EML1: variants seen among roughly 807,000 people sequenced by gnomAD.
The protein encoded by EML1 is EMAP like 1, also known as echinoderm microtubule-associated protein-like 1.
In EML1, 27 loss-of-function variants were observed where a neutral mutation model predicts 110.4. That is an observed-to-expected ratio of 0.24 (90% CI 0.18 to 0.34). The LOEUF is 0.34. Among genes scored for constraint, EML1 ranks in the 10% least tolerant of loss-of-function variants. The pLI, the probability that EML1 is intolerant of heterozygous loss-of-function variation, is 1.00. For missense variants in EML1, 741 were observed against 1,030.9 expected (o/e 0.72, Z 3.85); for synonymous variants, 344 against 385.8 (o/e 0.89, Z 1.27).
chr14:99,873,087 G>A (rs1456792021), intron 3 of EML1, among the ~76,000 whole-genome samples: 1 of 152,180 alleles, frequency 6.6e-6, no homozygotes, highest in Non-Finnish European at 1.5e-5. Context: ...AGACATTGTA[G>A]GTCATACCTT....
intron 1 of EML1, among the ~76,000 whole-genome samples, chr14:99,806,855 A>C (rs1436453808): frequency 6.6e-6 from 1 of 152,116 alleles, no homozygotes; most frequent in Non-Finnish European, 1.5e-5. Context: ...AAAAATGATG[A>C]GGGGCATATG....
rs534023906 is a variant in EML1 at position 99,867,050 on chromosome 14, A to C, written c.383+1404A>C. On this transcript the variant is annotated intron_variant, in intron 3 of 21. Coordinates refer to ENST00000262233, the MANE Select transcript of EML1 (RefSeq NM_004434.3). ...TACCCAGATAGTGAAGATAGTACCA[A>C]ATAGGAAGTTTTTCAACCCTTACCC... Among the ~76,000 whole-genome samples, 5 of 152,066 alleles carry C rather than the reference A, an allele frequency of 3.3e-5. 1 individual carries two copies. The highest frequency in any genetic ancestry group is 7.4e-5 in the Non-Finnish European group (5 of 68,008).
At chr14:99,812,256 T>A (rs2058092287) in intron 1 of EML1, among the ~76,000 whole-genome samples, 2 of 151,810 alleles carry the variant, frequency 1.3e-5, no homozygotes, top group South Asian at 4.2e-4. Context: ...GAGGCCTGAC[T>A]GTGCATGCCC....
At chr14:99,911,375 G>A (rs762339397) in intron 12 of EML1, 47 bp from the exon 13 acceptor site, 1 of 1,538,624 alleles carries the variant, frequency 6.5e-7, no homozygotes, top group Non-Finnish European at 8.7e-7. Context: ...ATGGGCAGAG[G>A]CAACCTTTTG....
chr14:99,782,458 G>A (rs1214749934), intron 1 of EML1, among the ~76,000 whole-genome samples: 57 of 152,132 alleles, frequency 3.7e-4, no homozygotes, highest in East Asian at 3.9e-4. Context: ...TGAGACCCTC[G>A]GGTGTGGGAT....
chr14:99,738,017 G>T (rs535063313), intron 1 of EML1, among the ~76,000 whole-genome samples: 3 of 152,224 alleles, frequency 2.0e-5, no homozygotes, highest in African/African-American at 4.8e-5. Flanking sequence ...CCGCTGGAAG[G>T]GGGGAGCTTG....
At position 99,914,214 on chromosome 14, in the gene EML1, C is replaced by T. The variant is rs370428992; in HGVS notation, c.1530C>T (p.Ala510=). The T allele has an allele frequency of 1.4e-5, 23 of 1,613,708 alleles. 1 individual carries two copies. In the Middle Eastern group the frequency reaches 6.6e-4, roughly 46 times the overall value. The part of the protein sequence containing the change: ...PEQFGPIRTV[A]EGKGDVILIG... The stretch of plus-strand genomic sequence containing the variant: ...AGTTTGGTCCAATACGGACAGTGGC[C>T]GAGGGGAAAGGCGATGTGATCTTGA... Residue 510 remains alanine (A), a synonymous_variant, in exon 14 of 22, where the codon GCC becomes GCT. Transcript: ENST00000262233.
chr14:99,847,250 T>C (rs1345250781), intron 1 of EML1, among the ~76,000 whole-genome samples: 10 of 152,228 alleles, frequency 6.6e-5, no homozygotes, highest in Admixed American at 1.3e-4. Flanking sequence ...GTCCTGAAAA[T>C]GTACCGTATG....
intron 4 of EML1, among the ~76,000 whole-genome samples, chr14:99,881,648 T>C (rs901784131): frequency 2.0e-5 from 3 of 151,056 alleles, no homozygotes; most frequent in African/African-American, 7.3e-5. Context: ...GTCACCAGGC[T>C]GGAGTGCAGT....
chr14:99,752,146 G>T (rs2057184078), intron 1 of EML1, among the ~76,000 whole-genome samples: 1 of 152,118 alleles, frequency 6.6e-6, no homozygotes, highest in Non-Finnish European at 1.5e-5. Flanking sequence ...GGCTTTCTTG[G>T]TTCAAACACA....
intron 4 of EML1, among the ~76,000 whole-genome samples, chr14:99,887,390 C>G (rs2059498619): frequency 6.6e-6 from 1 of 152,192 alleles, no homozygotes; most frequent in African/African-American, 2.4e-5. Context: ...CAAATCCTTT[C>G]TCTCCTCCAG....
In EML1 at chr14:99,886,515, A is replaced by C. The variant is rs77556256; in HGVS notation, c.519-4684A>C. ...GAAGTCATGTTATTCCAAGAGCCAA[A>C]GTTGTTCTGGATTAATAAATTGTAG... On this transcript the variant is annotated intron_variant, in intron 4 of 21. Coordinates refer to ENST00000262233, the MANE Select transcript of EML1 (RefSeq NM_004434.3). 1.6e-3 allele frequency among the ~76,000 whole-genome samples: 238 copies of C among 152,320 alleles called. 4 individuals carry two copies. The East Asian group carries it at 0.041, about 26-fold the overall frequency.
At chr14:99,813,066 G>T (rs1301584225) in intron 1 of EML1, among the ~76,000 whole-genome samples, 1 of 152,052 alleles carries the variant, frequency 6.6e-6, no homozygotes, top group Admixed American at 6.5e-5. Context: ...ACTCTGTTTG[G>T]CCCAGGAACC....
chr14:99,897,202 G>A lies in EML1; in HGVS notation c.735G>A (p.Glu245=), dbSNP rs1321295823. The A allele has an allele frequency of 6.2e-7, 1 of 1,613,120 alleles. No homozygotes were observed. The highest frequency in any genetic ancestry group is 1.1e-5 in the South Asian group (1 of 90,864). Residue 245 remains glutamate (E), a synonymous_variant, in exon 7 of 22, where the codon GAG becomes GAA. Coordinates refer to ENST00000262233, the MANE Select transcript of EML1 (RefSeq NM_004434.3). ...RNNLYLLPTG[E]TVYFIASVVV... ...ACCTGTACTTGCTTCCGACGGGAGA[G>A]ACCGTCTACTTCATCGCATCCGTGG...
chr14:99,939,931 TC>T lies in EML1; in HGVS notation c.2323-53del. On this transcript the variant is annotated intron_variant, in intron 21 of 21. Coordinates refer to ENST00000262233, the MANE Select transcript of EML1 (RefSeq NM_004434.3). The surrounding 1 kb of genome is among the most constrained non-coding windows in gnomAD (Gnocchi z 4.2). ...CAGTGAGAATTCAAGCACTTTCCCA[TC>T]CCAGATGGTTCGCCTTGTAGTAAAG... 1.4e-6 allele frequency: 2 copies of T among 1,473,914 alleles called. No individual in the cohort carries two copies. The highest frequency in any genetic ancestry group is 3.0e-5 in the South Asian group (2 of 67,588). 91.3% of individuals were successfully genotyped at this position (1,473,914 alleles called of 1,614,324 possible). A position where few individuals can be genotyped will look rare whatever the true frequency, so the allele number is the denominator to read the frequency against.
chr14:99,901,348 C>A (rs952211286), intron 9 of EML1, among the ~76,000 whole-genome samples: 2 of 152,160 alleles, frequency 1.3e-5, no homozygotes, highest in African/African-American at 4.8e-5. Context: ...ATTTCACCTG[C>A]TTCTTTCAAG....
intron 1 of EML1, among the ~76,000 whole-genome samples, chr14:99,833,209 T>C (rs377696446): frequency 8.4e-4 from 128 of 152,372 alleles, no homozygotes; most frequent in African/African-American, 3.0e-3. Flanking sequence ...ATTGAGGTTC[T>C]TTTGTGTGTG....
intron 1 of EML1, among the ~76,000 whole-genome samples, chr14:99,850,539 C>T (rs779745991): frequency 1.3e-5 from 2 of 152,120 alleles, no homozygotes; most frequent in African/African-American, 4.8e-5. Flanking sequence ...TCTAACATCC[C>T]TTCCACTGCT....
At chr14:99,774,057 G>A (rs900158192) in intron 1 of EML1, 5 of 152,494 alleles carry the variant, frequency 3.3e-5, no homozygotes, top group African/African-American at 1.2e-4. Flanking sequence ...GTCCTTCTGA[G>A]GGGCTGGGGT....
Sources: allele counts gnomAD v4.1 joint callset (sites outside exome capture counted in the v4.1 genomes callset), GRCh38; gene constraint gnomAD v4.1.1; non-coding constraint Gnocchi (gnomAD v3.1); transcripts MANE v1.5; gene names NCBI Gene and HGNC (gene_info 2026-07-23, HGNC 2026-07-21).